Variants in OTOG observed in about 807,000 individuals in gnomAD.
The protein encoded by OTOG is otogelin.
In OTOG, 296 loss-of-function variants were observed where a neutral mutation model predicts 313.8. The observed-to-expected ratio is 0.94, with a 90% CI of 0.86 to 1.04. OTOG has a LOEUF of 1.04. OTOG is among the 50% of genes least tolerant of loss of function. OTOG has a pLI of 0.00. For synonymous variants in OTOG, 1,533 were observed against 1,554.9 expected, an observed-to-expected ratio of 0.99 and a Z score of 0.33; for missense variants, 3,948 against 3,840.1, an observed-to-expected ratio of 1.03 and a Z score of -0.74.
At chr11:17,554,147 C>T (rs1018490819) in intron 6 of OTOG, among the ~76,000 whole-genome samples, 1 of 152,118 alleles carries the variant, frequency 6.6e-6, no homozygotes, top group African/African-American at 2.4e-5. Context: ...TGATGGAGGT[C>T]CTGGGTGACT....
chr11:17,610,883 AC>A lies in OTOG; in HGVS notation c.5586del (p.Thr1863LeufsTer3). ...CAGCAGCAATGACCCAGGCGCACCCACCCACTCACATAGCACCCCCAGCAGC... is the reference window on the plus strand; with the variant it reads ...CAGCAGCAATGACCCAGGCGCACCCACCACTCACATAGCACCCCCAGCAGC... ...TPAAMTQAHP[P>X]THIAPPAAGT... On this transcript the variant is annotated frameshift_variant, in exon 36 of 56. Transcript: ENST00000399397. LOFTEE classifies it high-confidence loss of function. 6.5e-7 allele frequency: 1 copy of A among 1,549,998 alleles called. No individual in the cohort carries two copies. Among genetic ancestry groups the A allele is most frequent in the Non-Finnish European group, 8.7e-7 (1 of 1,146,860 alleles).
Position 17,635,651 on chromosome 11 carries a change from G to C in OTOG, c.7735G>C (p.Gly2579Arg), listed in dbSNP as rs1194671739. The C allele has an allele frequency of 3.9e-6, 6 of 1,550,530 alleles. No individual in the cohort carries two copies. The highest frequency in any genetic ancestry group is 1.7e-4 in the Middle Eastern group (1 of 5,992). ...CPDSIPECQE[G>R]EALTVHRNTT... is the part of the protein sequence containing the mutation. ...AGACTCCATCCCCGAATGTCAAGAA[G>C]GGGAGGCGCTCACTGTGCACAGGAA... Residue 2579 changes from glycine to arginine, a missense_variant, in exon 47 of 56, where the codon GGG becomes CGG. Coordinates refer to ENST00000399397, the MANE Select transcript of OTOG (RefSeq NM_001292063.2).
At chr11:17,582,937 A>G (rs375245043) in intron 23 of OTOG, among the ~76,000 whole-genome samples, 2 of 152,096 alleles carry the variant, frequency 1.3e-5, no homozygotes, top group South Asian at 4.1e-4. Context: ...GCCTTGAAGT[A>G]TCTAAAAACT....
At chr11:17,566,935 C>T (rs1369938396) in intron 15 of OTOG, among the ~76,000 whole-genome samples, 1 of 152,160 alleles carries the variant, frequency 6.6e-6, no homozygotes, top group Non-Finnish European at 1.5e-5. Context: ...TAGAATTTGC[C>T]TACATCAAGT....
rs876657557 is a variant in OTOG, at chr11:17,612,257, C to T, written c.6219C>T (p.Pro2073=). The change falls in exon 37 of 56, where the codon CCC becomes CCT. Residue 2073 remains proline, a synonymous_variant. Coordinates refer to ENST00000399397, the MANE Select transcript of OTOG (RefSeq NM_001292063.2). ...QSQHCPQGAA[P]PRCGILGLAV... ...AGCACTGTCCCCAGGGTGCTGCTCC[C>T]CCTCGCTGTGGGATCCTGGGCCTCG... The T allele has an allele frequency of 2.8e-5, 44 of 1,546,796 alleles. No individual in the cohort carries two copies. The highest frequency in any genetic ancestry group is 3.7e-5 in the Non-Finnish European group (42 of 1,146,952).
At chr11:17,561,856 A>G in intron 15 of OTOG, 49 bp downstream of exon 15, 1 of 1,545,886 alleles carries the variant, frequency 6.5e-7, no homozygotes, top group South Asian at 1.2e-5. Context: ...ACTCCTGCCT[A>G]CTGCCCCCAA....
chr11:17,554,156 C>T (rs1589993924), intron 6 of OTOG, among the ~76,000 whole-genome samples: 1 of 152,306 alleles, frequency 6.6e-6, no homozygotes, highest in East Asian at 1.9e-4. Flanking sequence ...TCCTGGGTGA[C>T]TCAGTTTAGA....
At chr11:17,633,994 C>G in intron 43 of OTOG, 75 bp from the exon 44 acceptor site, 1 of 1,493,078 alleles carries the variant, frequency 6.7e-7, no homozygotes, top group African/African-American at 1.4e-5. Flanking sequence ...GGCCAGTAAA[C>G]CAGGGAGAGT....
At chr11:17,625,276 T>TCATAGC in intron 39 of OTOG, among the ~76,000 whole-genome samples, 1 of 152,284 alleles carries the variant, frequency 6.6e-6, no homozygotes, top group Middle Eastern at 3.4e-3. Context: ...CCATTCAGTG[T>TCATAGC]TGTTGGCTGT....
chr11:17,547,690 A>C, intron 1 of OTOG: 1 of 799,834 alleles, frequency 1.3e-6, no homozygotes, highest in Non-Finnish European at 1.7e-6. Flanking sequence ...TGGGTGGAAG[A>C]GACCCGAGGT....
rs192272579 is a variant in OTOG at position 17,626,865 on chromosome 11, T to A, written c.6529-2268T>A. On this transcript the variant is annotated intron_variant, in intron 39 of 55. Transcript: ENST00000399397. ...TTAAGTTAATTCTTAGATAATTTAA[T>A]TTTACTTGTGGCTATTGTAAATGGG... Among the ~76,000 whole-genome samples the A allele has an allele frequency of 1.1e-3, 165 of 152,280 alleles. 1 individual carries two copies. Among genetic ancestry groups the A allele is most frequent in the African/African-American group, 3.8e-3 (157 of 41,580 alleles).
At chr11:17,550,298 C>A (rs1851905967) in intron 3 of OTOG, among the ~76,000 whole-genome samples, 1 of 152,158 alleles carries the variant, frequency 6.6e-6, no homozygotes, top group South Asian at 2.1e-4. Context: ...ATTAAAGAAG[C>A]ACAAATATTA....
chr11:17,568,726 T>A (rs1197050340), intron 15 of OTOG, among the ~76,000 whole-genome samples: 1 of 152,224 alleles, frequency 6.6e-6, no homozygotes, highest in East Asian at 1.9e-4. Flanking sequence ...GAATATTACC[T>A]CATTTCCTGC....
chr11:17,570,447 G>T (rs1433611477), intron 17 of OTOG, 57 bp downstream of exon 17: 4 of 1,501,770 alleles, frequency 2.7e-6, no homozygotes, highest in Non-Finnish European at 3.6e-6. Context: ...CTTAGGGCTG[G>T]GTATCTAGAG....
chr11:17,568,938 G>A (rs547592650), intron 15 of OTOG, among the ~76,000 whole-genome samples: 3 of 152,210 alleles, frequency 2.0e-5, no homozygotes, highest in East Asian at 1.9e-4. Flanking sequence ...TAGTGTTATC[G>A]CATTCTGCTA....
At chr11:17,617,947 C>G (rs1590046722) in intron 39 of OTOG, among the ~76,000 whole-genome samples, 1 of 151,150 alleles carries the variant, frequency 6.6e-6, no homozygotes, top group Admixed American at 6.6e-5. Flanking sequence ...GAGTCTCACT[C>G]TGTCGCCCAG....
chr11:17,623,546 A>G (rs918380387), intron 39 of OTOG, among the ~76,000 whole-genome samples: 5 of 152,148 alleles, frequency 3.3e-5, no homozygotes, highest in African/African-American at 9.7e-5. Flanking sequence ...CCAGTCTACC[A>G]TTGATGGACA....
chr11:17,640,273 G>C (rs1208525643), intron 49 of OTOG, among the ~76,000 whole-genome samples: 1 of 152,168 alleles, frequency 6.6e-6, no homozygotes, highest in African/African-American at 2.4e-5. Context: ...AGTATATCAT[G>C]GAGCCAGGGC....
At chr11:17,587,324 G>A (rs887269842) in intron 24 of OTOG, among the ~76,000 whole-genome samples, 2 of 152,206 alleles carry the variant, frequency 1.3e-5, no homozygotes, top group African/African-American at 4.8e-5. Flanking sequence ...GTAGGCAGTG[G>A]GTAGACTCAG....
Sources: gnomAD v4.1 joint callset for allele counts (sites outside exome capture counted in the v4.1 genomes callset) on GRCh38, gnomAD v4.1.1 for gene constraint, MANE v1.5 for transcripts, NCBI Gene and HGNC (gene_info 2026-07-23, HGNC 2026-07-21) for gene names.